PABPC4L: variants seen among roughly 807,000 people sequenced by gnomAD.
PABPC4L encodes the protein polyadenylate-binding protein 4-like.
For missense variants in PABPC4L, 452 were observed against 451.4 expected, an observed-to-expected ratio of 1.00 and a Z score of -0.01; for synonymous variants, 169 against 164.1, an observed-to-expected ratio of 1.03 and a Z score of -0.23.
At chr4:134,087,872 C>T in the PABPC4L span, among the ~76,000 whole-genome samples, 1 of 152,110 alleles carries the variant, frequency 6.6e-6, no homozygotes. Flanking sequence ...GCTTCTATGG[C>T]AATGGGACAT....
At chr4:134,015,165 C>T in the PABPC4L span, among the ~76,000 whole-genome samples, 185 of 152,228 alleles carry the variant, frequency 1.2e-3, 1 homozygote, top group African/African-American at 4.1e-3. Context: ...TATCCCATCC[C>T]GCAGTGCGCT....
the PABPC4L span, among the ~76,000 whole-genome samples, chr4:134,018,312 C>T: frequency 6.6e-6 from 1 of 152,096 alleles, no homozygotes; most frequent in African/African-American, 2.4e-5. Flanking sequence ...CTGCCTGCAC[C>T]CAGGTGATTA....
At chr4:134,052,034 T>G in the PABPC4L span, among the ~76,000 whole-genome samples, 285 of 152,100 alleles carry the variant, frequency 1.9e-3, 1 homozygote, top group Non-Finnish European at 3.0e-3. Context: ...ATACAATCAT[T>G]ATTATTCTTT....
At chr4:134,016,895 T>A in the PABPC4L span, among the ~76,000 whole-genome samples, 2 of 152,272 alleles carry the variant, frequency 1.3e-5, no homozygotes, top group South Asian at 4.1e-4. Context: ...TGCCCAGGAC[T>A]GGCAAATTGA....
chr4:134,148,766 A>G, the PABPC4L span, among the ~76,000 whole-genome samples: 1 of 152,140 alleles, frequency 6.6e-6, no homozygotes, highest in Non-Finnish European at 1.5e-5. Context: ...CCCTGCCAGT[A>G]TACTAACTCC....
chr4:134,055,560 T>C, the PABPC4L span, among the ~76,000 whole-genome samples: 1 of 151,910 alleles, frequency 6.6e-6, no homozygotes, highest in Non-Finnish European at 1.5e-5. Flanking sequence ...GTCTGTGGTA[T>C]TTTATTATGA....
the PABPC4L span, among the ~76,000 whole-genome samples, chr4:134,146,628 G>A: frequency 6.6e-6 from 1 of 152,018 alleles, no homozygotes; most frequent in Non-Finnish European, 1.5e-5. Flanking sequence ...GGACACTGAG[G>A]AGTGAGTAAG....
At chr4:133,964,721 T>C in the PABPC4L span, among the ~76,000 whole-genome samples, 1 of 152,034 alleles carries the variant, frequency 6.6e-6, no homozygotes, top group Non-Finnish European at 1.5e-5. Flanking sequence ...AAAAATCACA[T>C]GATCATCTCA....
the PABPC4L span, among the ~76,000 whole-genome samples, chr4:134,061,943 A>G: frequency 6.6e-6 from 1 of 151,928 alleles, no homozygotes; most frequent in African/African-American, 2.4e-5. Flanking sequence ...TATATTGAAT[A>G]CCAACCCTCA....
At chr4:134,113,674 A>T in the PABPC4L span, among the ~76,000 whole-genome samples, 1 of 151,876 alleles carries the variant, frequency 6.6e-6, no homozygotes, top group African/African-American at 2.4e-5. Context: ...ATTTTTGAAA[A>T]TTAGAGAAAT....
the PABPC4L span, among the ~76,000 whole-genome samples, chr4:134,132,379 A>C: frequency 3.5e-4 from 53 of 152,108 alleles, no homozygotes; most frequent in Admixed American, 3.2e-3. Context: ...CAAAACAAAC[A>C]ATCTCATCAA....
the PABPC4L span, among the ~76,000 whole-genome samples, chr4:134,104,691 G>A: frequency 2.0e-5 from 3 of 151,506 alleles, no homozygotes; most frequent in South Asian, 4.1e-4. Context: ...CGTCCCTTTA[G>A]TTATCCTTTT....
chr4:134,023,418 T>C, the PABPC4L span, among the ~76,000 whole-genome samples: 1 of 152,148 alleles, frequency 6.6e-6, no homozygotes, highest in Non-Finnish European at 1.5e-5. Context: ...CAGAGTTCTC[T>C]CAGAATAACT....
At chr4:134,133,790 G>T in the PABPC4L span, among the ~76,000 whole-genome samples, 1 of 151,802 alleles carries the variant, frequency 6.6e-6, no homozygotes, top group African/African-American at 2.4e-5. Flanking sequence ...TTCATGTAAT[G>T]AAACACCACA....
At chr4:134,019,560 A>C in the PABPC4L span, among the ~76,000 whole-genome samples, 14 of 152,282 alleles carry the variant, frequency 9.2e-5, no homozygotes, top group African/African-American at 3.4e-4. Context: ...ATCGGTAGCT[A>C]TAAGTTATAG....
At chr4:134,049,796 T>C in the PABPC4L span, among the ~76,000 whole-genome samples, 1 of 152,182 alleles carries the variant, frequency 6.6e-6, no homozygotes, top group Non-Finnish European at 1.5e-5. Flanking sequence ...TGCTGTCCCA[T>C]ATCAGGATTA....
At chr4:134,110,761 G>A in the PABPC4L span, among the ~76,000 whole-genome samples, 2 of 151,848 alleles carry the variant, frequency 1.3e-5, no homozygotes, top group East Asian at 3.9e-4. Context: ...TACTTATAAT[G>A]CAGAATATAA....
At chr4:133,996,245 A>G in the PABPC4L span, among the ~76,000 whole-genome samples, 1 of 152,074 alleles carries the variant, frequency 6.6e-6, no homozygotes, top group Non-Finnish European at 1.5e-5. Context: ...GGACCAAAGC[A>G]GCCCTAACTA....
the PABPC4L span, among the ~76,000 whole-genome samples, chr4:134,082,877 G>A: frequency 2.6e-5 from 4 of 152,044 alleles, no homozygotes; most frequent in African/African-American, 9.7e-5. Flanking sequence ...CAACATGATC[G>A]ATATTTTCCA....
Sources: allele counts gnomAD v4.1 joint callset (sites outside exome capture counted in the v4.1 genomes callset), GRCh38; gene constraint gnomAD v4.1.1; transcripts MANE v1.5; gene names NCBI Gene and HGNC (gene_info 2026-07-23, HGNC 2026-07-21).